The following ROBO1 variants were observed in gnomAD, a reference collection of about 807,000 sequenced individuals.
ROBO1 encodes the protein roundabout guidance receptor 1, also known as roundabout homolog 1.
ROBO1 carries 149 observed loss-of-function variants against 195.9 expected under a neutral mutation model. The observed-to-expected ratio is 0.76, with a 90% CI of 0.67 to 0.87. ROBO1 has a LOEUF of 0.87. Among genes scored for constraint, ROBO1 ranks in the 40% least tolerant of loss-of-function variants. ROBO1 has a pLI of 0.00. For missense variants in ROBO1, 1,933 were observed against 2,068.3 expected, an observed-to-expected ratio of 0.93 and a Z score of 1.27; for synonymous variants, 816 against 733.2, an observed-to-expected ratio of 1.11 and a Z score of -1.82.
intron 2 of ROBO1, among the ~76,000 whole-genome samples, chr3:79,141,010 A>G (rs2080513208): frequency 6.6e-6 from 1 of 152,204 alleles, no homozygotes; most frequent in African/African-American, 2.4e-5. Flanking sequence ...AGAAAAATAA[A>G]ACACAGTTGA....
chr3:79,679,133 G>T (rs1042656119), intron 1 of ROBO1, among the ~76,000 whole-genome samples: 5 of 151,854 alleles, frequency 3.3e-5, no homozygotes, highest in African/African-American at 1.2e-4. Flanking sequence ...GTAACATTTT[G>T]ATATGATACT....
chr3:78,737,721 T>A (rs1309785111), intron 5 of ROBO1, among the ~76,000 whole-genome samples: 2 of 152,132 alleles, frequency 1.3e-5, no homozygotes, highest in Non-Finnish European at 2.9e-5. Context: ...ACAGGAAAAA[T>A]TATTTTTAAG....
intron 2 of ROBO1, among the ~76,000 whole-genome samples, chr3:79,519,628 CAA>C (rs71631657): frequency 2.7e-3 from 175 of 64,690 alleles, no homozygotes; most frequent in African/African-American, 6.8e-3. Context: ...GACTCCTGCT[CAA>C]AAAAAAAAAA....
At chr3:79,002,666 T>C (rs924075309) in intron 3 of ROBO1, among the ~76,000 whole-genome samples, 2 of 152,102 alleles carry the variant, frequency 1.3e-5, no homozygotes, top group Admixed American at 1.3e-4. Context: ...TTTCCCAGGC[T>C]TATGTCAATT....
chr3:78,671,595 T>TA lies in ROBO1; in HGVS notation c.1343-1295dup, dbSNP rs550299173. On this transcript the variant is annotated intron_variant, in intron 10 of 30. Transcript: ENST00000464233. ...AAATATTAGTTTTGTGCATGCAAAC[T>TA]AAAAAAAAAAAAAGAAAAGATAAAC... Among the ~76,000 whole-genome samples, 1,270 of 136,356 alleles carry TA rather than the reference T, an allele frequency of 9.3e-3. 21 individuals carry two copies. The highest frequency in any genetic ancestry group is 0.029 in the African/African-American group (1,073 of 37,200). The allele number at this position is 136,356 out of a possible 152,430, so 89.5% of individuals were successfully genotyped here.
intron 4 of ROBO1, among the ~76,000 whole-genome samples, chr3:78,905,562 T>C (rs1268193317): frequency 2.6e-5 from 4 of 152,002 alleles, no homozygotes; most frequent in Non-Finnish European, 2.9e-5. Context: ...GAGGCTGCAG[T>C]GAGCTGTGAT....
intron 2 of ROBO1, among the ~76,000 whole-genome samples, chr3:79,412,379 C>T (rs4680962): frequency 0.37 from 55,697 of 151,954 alleles, 10,852 homozygotes; most frequent in Admixed American, 0.49. Context: ...TTTCTCATAA[C>T]ATGATAATAA....
At chr3:78,699,705 C>A (rs1489289964) in intron 8 of ROBO1, among the ~76,000 whole-genome samples, 1 of 151,938 alleles carries the variant, frequency 6.6e-6, no homozygotes, top group Non-Finnish European at 1.5e-5. Context: ...CTTAACGTGG[C>A]CTTGCTGTGT....
chr3:79,587,483 T>C (rs1214999983), intron 2 of ROBO1, among the ~76,000 whole-genome samples: 1 of 151,910 alleles, frequency 6.6e-6, no homozygotes, highest in South Asian at 2.1e-4. Context: ...ATTCTCCTTA[T>C]TTTTTTAGAA....
intron 2 of ROBO1, among the ~76,000 whole-genome samples, chr3:79,183,947 A>G (rs1301485255): frequency 6.6e-6 from 1 of 152,244 alleles, no homozygotes; most frequent in Non-Finnish European, 1.5e-5. Context: ...TTGTTATTTC[A>G]GTCAATGCAA....
At chr3:79,467,158 C>T (rs1938006147) in intron 2 of ROBO1, among the ~76,000 whole-genome samples, 1 of 151,924 alleles carries the variant, frequency 6.6e-6, no homozygotes, top group South Asian at 2.1e-4. Context: ...CAGCATAGTC[C>T]CAAGAAGCAT....
At chr3:78,695,708 G>T (rs935029052) in intron 8 of ROBO1, among the ~76,000 whole-genome samples, 1 of 150,962 alleles carries the variant, frequency 6.6e-6, no homozygotes, top group Non-Finnish European at 1.5e-5. Flanking sequence ...AAGAACATCA[G>T]CTAACATGGA....
intron 2 of ROBO1, among the ~76,000 whole-genome samples, chr3:79,559,359 A>C (rs1019944542): frequency 6.6e-6 from 1 of 152,140 alleles, no homozygotes; most frequent in Non-Finnish European, 1.5e-5. Flanking sequence ...TGTTGTTCAT[A>C]TTTTAATATA....
chr3:78,746,706 C>G, intron 5 of ROBO1, 37 bp downstream of exon 5: 1 of 1,396,840 alleles, frequency 7.2e-7, no homozygotes, highest in African/African-American at 1.4e-5. Context: ...CACAGTTAGA[C>G]CAACAAATGT....
chr3:79,735,378 A>G (rs1339513442), intron 1 of ROBO1, among the ~76,000 whole-genome samples: 1 of 152,220 alleles, frequency 6.6e-6, no homozygotes, highest in Non-Finnish European at 1.5e-5. Context: ...CTCTTATTGA[A>G]ATAGATGGCT....
chr3:78,926,908 T>C (rs1169623048), intron 4 of ROBO1, among the ~76,000 whole-genome samples: 1 of 152,156 alleles, frequency 6.6e-6, no homozygotes, highest in African/African-American at 2.4e-5. Context: ...TGGTTAAATG[T>C]CCTAACTTCG....
chr3:78,939,450 T>TAAA (rs772177770), intron 3 of ROBO1, among the ~76,000 whole-genome samples: 10 of 129,142 alleles, frequency 7.7e-5, no homozygotes, highest in African/African-American at 2.9e-4. Flanking sequence ...CCGTCTCTAC[T>TAAA]AAAAAAAAAA....
At chr3:79,511,096 A>T (rs1036878179) in intron 2 of ROBO1, among the ~76,000 whole-genome samples, 3 of 152,182 alleles carry the variant, frequency 2.0e-5, no homozygotes, top group Non-Finnish European at 4.4e-5. Context: ...CACAACACAC[A>T]AGATTTGTTA....
At chr3:78,707,623 C>T (rs1433665292) in intron 8 of ROBO1, among the ~76,000 whole-genome samples, 3 of 152,144 alleles carry the variant, frequency 2.0e-5, no homozygotes, top group African/African-American at 7.2e-5. Flanking sequence ...AATGGACAAG[C>T]TCTTATGAGA....
Sources: allele counts gnomAD v4.1 joint callset (sites outside exome capture counted in the v4.1 genomes callset), GRCh38; gene constraint gnomAD v4.1.1; transcripts MANE v1.5; gene names NCBI Gene and HGNC (gene_info 2026-07-23, HGNC 2026-07-21).